Variants in COL28A1 observed in about 807,000 individuals in gnomAD.
The protein encoded by COL28A1 is collagen type XXVIII alpha 1 chain, also known as collagen alpha-1(XXVIII) chain.
COL28A1 carries 161 observed loss-of-function variants against 150.2 expected under a neutral mutation model. The ratio of observed to expected loss-of-function variants is 1.07; its 90% CI spans 0.94 to 1.22. The LOEUF is 1.22. COL28A1 is among the 50% of genes most tolerant of loss of function. The pLI, the probability that COL28A1 is intolerant of heterozygous loss-of-function variation, is 0.00. For synonymous variants in COL28A1, 552 were observed against 469.7 expected, an observed-to-expected ratio of 1.18 and a Z score of -2.26; for missense variants, 1,617 against 1,388.3, an observed-to-expected ratio of 1.16 and a Z score of -2.62.
At chr7:7,453,217 GA>G (rs1786854956) in intron 17 of COL28A1, among the ~76,000 whole-genome samples, 1 of 152,066 alleles carries the variant, frequency 6.6e-6, no homozygotes. Flanking sequence ...AAGTAACAAA[GA>G]AAACAACAAA....
upstream of COL28A1, among the ~76,000 whole-genome samples, chr7:7,540,342 G>A (rs1782762972): frequency 6.6e-6 from 1 of 152,182 alleles, no homozygotes; most frequent in South Asian, 2.1e-4. Flanking sequence ...ATTAGACAGT[G>A]TTATTCTAGA....
At chr7:7,430,360 C>T (rs1784894397) in intron 25 of COL28A1, among the ~76,000 whole-genome samples, 1 of 152,134 alleles carries the variant, frequency 6.6e-6, no homozygotes, top group Non-Finnish European at 1.5e-5. Context: ...CTCCTGACCT[C>T]AGGTGATCTG....
At chr7:7,504,925 G>C (rs1780727919) in intron 11 of COL28A1, among the ~76,000 whole-genome samples, 1 of 152,074 alleles carries the variant, frequency 6.6e-6, no homozygotes, top group Admixed American at 6.5e-5. Context: ...TTTTCTTACT[G>C]TAGGATTGTA....
rs138729022 is a variant in COL28A1 at position 7,461,907 on chromosome 7, A to G, written c.1303-5795T>C. ...TACCACAACTGATGCTCTCTTGAAA[A>G]CACCACCTCCCAGGAGGAGGCCAAC... On this transcript the variant is annotated intron_variant, in intron 15 of 34. Coordinates refer to ENST00000399429, the MANE Select transcript of COL28A1 (RefSeq NM_001037763.3). Among the ~76,000 whole-genome samples the G allele has an allele frequency of 4.7e-3, 708 of 152,108 alleles. 5 individuals are homozygous for G. The highest frequency in any genetic ancestry group is 0.022 in the East Asian group (115 of 5,174).
Position 7,532,857 on chromosome 7 carries a change from C to G in COL28A1, c.19G>C (p.Val7Leu). 6.2e-7 allele frequency: 1 copy of G among 1,610,056 alleles called. No homozygotes were observed. Among genetic ancestry groups the G allele is most frequent in the Non-Finnish European group, 8.5e-7 (1 of 1,178,586 alleles). The change falls in exon 2 of 35, where the codon GTC (valine) becomes CTC (leucine). Residue 7 changes from valine to leucine, a missense_variant. Coordinates refer to ENST00000399429, the MANE Select transcript of COL28A1 (RefSeq NM_001037763.3). ...GCTGACAAAAGCAGGAGATAGAAGA[C>G]AAAATATCTGTTCCACATTATGGTA... MWNRYFVFYLLLLSAFT... is the reference protein window; with the variant it reads MWNRYFLFYLLLLSAFT...
chr7:7,380,856 G>A lies in COL28A1; in HGVS notation c.2212C>T (p.His738Tyr), dbSNP rs765745974. 4.3e-6 allele frequency: 7 copies of A among 1,612,784 alleles called. No individual in the cohort carries two copies. Among genetic ancestry groups the A allele is most frequent in the East Asian group, 2.2e-5 (1 of 44,850 alleles). The change falls in exon 29 of 35, where the codon CAC becomes TAC. Residue 738 changes from histidine (H) to tyrosine (Y), a missense_variant. Transcript: ENST00000399429. ...GHGLPGQKGE[H>Y]GERGDVGKKG... ...TTTCCCACATCGCCCCGTTCTCCGT[G>A]CTCTCCCTTTACACAATAGGGTAAA...
At position 7,466,067 on chromosome 7, in the gene COL28A1, C is replaced by T. The variant is rs569586844; in HGVS notation, c.1302+8534G>A. Among the ~76,000 whole-genome samples, 181 of 133,774 alleles carry T rather than the reference C, an allele frequency of 1.4e-3. 4 individuals carry two copies. Among genetic ancestry groups the T allele is most frequent in the East Asian group, 4.3e-3 (19 of 4,370 alleles). The allele number at this position is 133,774 out of a possible 152,430, so 87.8% of individuals were successfully genotyped here. Reference sequence around the variant, plus strand: ...GAGCGCCTCTCCTCCTCCAAAGGAACGCAGTTCCTCACCAGCAACAGAACA... The same window carrying T: ...GAGCGCCTCTCCTCCTCCAAAGGAATGCAGTTCCTCACCAGCAACAGAACA... On this transcript the variant is annotated intron_variant, in intron 15 of 34. Transcript: ENST00000399429.
chr7:7,412,526 G>C (rs940341985), intron 27 of COL28A1, among the ~76,000 whole-genome samples: 5 of 152,068 alleles, frequency 3.3e-5, no homozygotes, highest in African/African-American at 1.2e-4. Flanking sequence ...ACTAGCGAAA[G>C]GGAAGGGAAG....
At chr7:7,408,284 C>A (rs1051677771) in intron 27 of COL28A1, among the ~76,000 whole-genome samples, 1 of 152,062 alleles carries the variant, frequency 6.6e-6, no homozygotes, top group Non-Finnish European at 1.5e-5. Context: ...CCAATTTGAG[C>A]CACAAATACT....
chr7:7,480,344 A>G (rs546860792), intron 13 of COL28A1, among the ~76,000 whole-genome samples: 1 of 152,344 alleles, frequency 6.6e-6, no homozygotes, highest in East Asian at 1.9e-4. Context: ...AAATTGTAAC[A>G]CTTAACAGAA....
At chr7:7,338,948 G>C in the COL28A1 span, among the ~76,000 whole-genome samples, 13 of 152,140 alleles carry the variant, frequency 8.5e-5, no homozygotes, top group Admixed American at 5.9e-4. Flanking sequence ...GCTGGATTAT[G>C]AGAGAAACAT....
upstream of COL28A1, among the ~76,000 whole-genome samples, chr7:7,540,083 C>G (rs940264361): frequency 5.9e-5 from 9 of 152,074 alleles, no homozygotes; most frequent in Admixed American, 2.6e-4. Flanking sequence ...AATCAAGGTG[C>G]CATCTGGAAA....
At chr7:7,515,871 A>G (rs757525767) in intron 7 of COL28A1, 31 bp from the exon 8 acceptor site, 2 of 895,550 alleles carry the variant, frequency 2.2e-6, no homozygotes, top group African/African-American at 1.6e-5. Context: ...AAAGTAAAAT[A>G]TGATACTCTG....
chr7:7,389,528 G>T (rs1487731210), intron 27 of COL28A1, among the ~76,000 whole-genome samples: 1 of 152,164 alleles, frequency 6.6e-6, no homozygotes. Context: ...TTCTAAATCT[G>T]TGATGGAAGT....
chr7:7,510,200 A>G (rs1781047546), intron 9 of COL28A1, among the ~76,000 whole-genome samples: 1 of 152,118 alleles, frequency 6.6e-6, no homozygotes, highest in Non-Finnish European at 1.5e-5. Context: ...TGTTTCAGAT[A>G]TACTCTCTGT....
At chr7:7,471,567 T>G (rs996691495) in intron 15 of COL28A1, among the ~76,000 whole-genome samples, 3 of 152,154 alleles carry the variant, frequency 2.0e-5, no homozygotes, top group Non-Finnish European at 2.9e-5. Context: ...GGGTTTAACA[T>G]ACGCAAGTCA....
chr7:7,510,554 G>A (rs1259159707), intron 9 of COL28A1, among the ~76,000 whole-genome samples: 2 of 152,196 alleles, frequency 1.3e-5, no homozygotes, highest in Non-Finnish European at 1.5e-5. Flanking sequence ...CAAAGTGCTG[G>A]GATTACAGGT....
chr7:7,483,126 T>A (rs1180155980), intron 13 of COL28A1, among the ~76,000 whole-genome samples: 2 of 152,226 alleles, frequency 1.3e-5, no homozygotes, highest in Non-Finnish European at 2.9e-5. Flanking sequence ...TGTAACCCCA[T>A]GGTAAGTCAA....
In COL28A1 at chr7:7,521,915, G is replaced by C; in HGVS notation, c.749C>G (p.Pro250Arg). ...CECEKGDPGD[P>R]GPPGTHGNPG... ...TGGAAGTATACTCACAGGAGGCCCT[G>C]GATCACCTGGATCTCCCTTCTCACA... is the stretch of plus-strand genomic sequence containing the variant. The change falls in exon 5 of 35, where the codon CCA (proline) becomes CGA (arginine). Residue 250 changes from proline (P) to arginine (R), a missense_variant. Coordinates refer to ENST00000399429, the MANE Select transcript of COL28A1 (RefSeq NM_001037763.3). 1.8e-6 allele frequency: 2 copies of C among 1,114,938 alleles called. No homozygotes were observed. Among genetic ancestry groups the C allele is most frequent in the Non-Finnish European group, 2.8e-6 (2 of 723,524 alleles). 69.1% of individuals were successfully genotyped at this position (1,114,938 alleles called of 1,614,324 possible).
Sources: allele counts gnomAD v4.1 joint callset (sites outside exome capture counted in the v4.1 genomes callset), GRCh38; gene constraint gnomAD v4.1.1; transcripts MANE v1.5; gene names NCBI Gene and HGNC (gene_info 2026-07-23, HGNC 2026-07-21).